MYO3A: variants seen among roughly 807,000 people sequenced by gnomAD.
The protein encoded by MYO3A is myosin IIIA.
MYO3A carries 180 observed loss-of-function variants against 192.7 expected under a neutral mutation model. The observed-to-expected ratio is 0.93, with a 90% CI of 0.83 to 1.06. The LOEUF is 1.06. MYO3A is among the 50% of genes least tolerant of loss of function. The pLI is 0.00. For missense variants in MYO3A, 1,896 were observed against 1,905.0 expected (o/e 1.00, Z 0.09); for synonymous variants, 628 against 645.3 (o/e 0.97, Z 0.41).
chr10:26,163,600 A>G (rs560600631), intron 26 of MYO3A, among the ~76,000 whole-genome samples: 36 of 152,338 alleles, frequency 2.4e-4, no homozygotes, highest in African/African-American at 8.4e-4. Flanking sequence ...ACAGATTTCT[A>G]GCTCACCTTT....
intron 31 of MYO3A, among the ~76,000 whole-genome samples, chr10:26,189,472 T>G (rs940284835): frequency 2.0e-5 from 3 of 152,140 alleles, no homozygotes; most frequent in Non-Finnish European, 2.9e-5. Flanking sequence ...ATGAAAGAGA[T>G]AGGATTGAAG....
chr10:25,995,100 AGTGT>A (rs201866029), intron 4 of MYO3A, among the ~76,000 whole-genome samples: 9,710 of 152,184 alleles, frequency 0.064, 395 homozygotes, highest in Non-Finnish European at 0.094. Flanking sequence ...TATCCTAAAG[AGTGT>A]TTTCCAACTT....
chr10:26,102,744 C>T (rs1837543239), intron 17 of MYO3A, among the ~76,000 whole-genome samples: 1 of 152,218 alleles, frequency 6.6e-6, no homozygotes, highest in African/African-American at 2.4e-5. Context: ...ATATTGCTGC[C>T]TGATCCTTCC....
Position 26,070,093 on chromosome 10 carries a change from A to G in MYO3A, c.1171-18A>G, listed in dbSNP as rs1388127047. ...AAAAACAAAAAGCCCTACAAAATGT[A>G]TTCTTTTTAACCTTTAGCATTCCAA... is the stretch of plus-strand genomic sequence containing the variant. On this transcript the variant is annotated intron_variant, in intron 12 of 34. Coordinates refer to ENST00000642920, the MANE Select transcript of MYO3A (RefSeq NM_017433.5). 1 of 1,553,304 alleles carries G rather than the reference A, an allele frequency of 6.4e-7. No homozygotes were observed. The highest frequency in any genetic ancestry group is 1.4e-5 in the African/African-American group (1 of 73,422).
At chr10:25,948,548 T>C (rs2130509260) in intron 2 of MYO3A, among the ~76,000 whole-genome samples, 1 of 152,256 alleles carries the variant, frequency 6.6e-6, no homozygotes, top group Admixed American at 6.5e-5. Flanking sequence ...TTTTATAGGC[T>C]AGAGAATTAC....
chr10:26,110,183 A>T (rs1379863255), intron 17 of MYO3A, among the ~76,000 whole-genome samples: 1 of 152,152 alleles, frequency 6.6e-6, no homozygotes. Context: ...CTCTCCATTG[A>T]TTCATGGACC....
At chr10:25,967,147 T>C (rs964205223) in intron 4 of MYO3A, among the ~76,000 whole-genome samples, 8 of 151,862 alleles carry the variant, frequency 5.3e-5, no homozygotes, top group African/African-American at 1.9e-4. Flanking sequence ...TACATAAAGA[T>C]TATCTACACA....
chr10:25,968,658 GT>G (rs2130711753), intron 4 of MYO3A, among the ~76,000 whole-genome samples: 1 of 152,294 alleles, frequency 6.6e-6, no homozygotes, highest in South Asian at 2.1e-4. Flanking sequence ...CTTATCCAAG[GT>G]TTTGCTTTTC....
intron 6 of MYO3A, among the ~76,000 whole-genome samples, chr10:26,015,682 A>G (rs139066192): frequency 2.7e-3 from 417 of 152,254 alleles, no homozygotes; most frequent in South Asian, 7.0e-3. Context: ...GCACTCAAAA[A>G]ACATGAAATT....
intron 4 of MYO3A, among the ~76,000 whole-genome samples, chr10:25,958,342 T>C (rs1398259127): frequency 1.3e-5 from 2 of 152,210 alleles, no homozygotes; most frequent in Non-Finnish European, 2.9e-5. Context: ...ATTTATTGAA[T>C]AGGGAATCCT....
At chr10:26,010,460 T>TG (rs758120974) in intron 6 of MYO3A, among the ~76,000 whole-genome samples, 8,350 of 147,428 alleles carry the variant, frequency 0.057, 312 homozygotes, top group African/African-American at 0.087. Flanking sequence ...GTTTTTTTTT[T>TG]TTTTTTTTTT....
chr10:26,062,885 A>C (rs1834598055), intron 10 of MYO3A, among the ~76,000 whole-genome samples: 1 of 113,948 alleles, frequency 8.8e-6, no homozygotes, highest in Non-Finnish European at 2.2e-5. Context: ...GGGTGAGGGA[A>C]TATGAGGAGA....
chr10:25,990,696 G>A (rs558188022), intron 4 of MYO3A, among the ~76,000 whole-genome samples: 3 of 128,470 alleles, frequency 2.3e-5, no homozygotes, highest in South Asian at 2.5e-4. Flanking sequence ...GGTGTGTGAT[G>A]TTCCCCTTCC....
At chr10:26,052,415 G>A (rs191159649) in intron 10 of MYO3A, among the ~76,000 whole-genome samples, 12 of 152,300 alleles carry the variant, frequency 7.9e-5, no homozygotes, top group East Asian at 3.9e-4. Flanking sequence ...GGTATTGAGC[G>A]TTGATCCAGT....
Position 26,068,821 on chromosome 10 carries a change from C to T in MYO3A, c.1107C>T (p.Val369=). The T allele has an allele frequency of 6.2e-7, 1 of 1,600,200 alleles. No individual in the cohort carries two copies. The highest frequency in any genetic ancestry group is 8.6e-7 in the Non-Finnish European group (1 of 1,167,520). The part of the protein sequence containing the change: ...EKCYSRDQIY[V]YVGDILIALN... ...GTTATTCCAGAGATCAGATCTACGTCTATGTGGGAGACATACTCATTGCTC... is the reference window on the plus strand; with the variant it reads ...GTTATTCCAGAGATCAGATCTACGTTTATGTGGGAGACATACTCATTGCTC... The change falls in exon 12 of 35, where the codon GTC becomes GTT. Residue 369 remains valine, a synonymous_variant. Transcript: ENST00000642920.
chr10:25,976,099 A>C (rs920134110), intron 4 of MYO3A, among the ~76,000 whole-genome samples: 2 of 152,186 alleles, frequency 1.3e-5, no homozygotes, highest in African/African-American at 4.8e-5. Context: ...GATAGTACTG[A>C]GTATTGGTGA....
chr10:26,170,340 C>G, intron 28 of MYO3A, 76 bp from the exon 29 acceptor site: 1 of 1,508,286 alleles, frequency 6.6e-7, no homozygotes, highest in Non-Finnish European at 9.1e-7. Context: ...TGGTCAAAGC[C>G]ACCATTTCTA....
chr10:26,096,397 C>T lies in MYO3A; in HGVS notation c.1579C>T (p.His527Tyr). 1 of 1,611,382 alleles carries T rather than the reference C, an allele frequency of 6.2e-7. No homozygotes were observed. The highest frequency in any genetic ancestry group is 8.5e-7 in the Non-Finnish European group (1 of 1,178,866). ...TTTTTCCAGTGGAGAAAAAAATTTT[C>T]ATATTTTTTACTACATTTATGCTGG... ...IHQAIGEKNF[H>Y]IFYYIYAGLA... Residue 527 changes from histidine (H) to tyrosine (Y), a missense_variant, in exon 16 of 35, where the codon CAT (histidine) becomes TAT (tyrosine). His to Tyr is a moderately conservative substitution (Grantham distance 83, BLOSUM62 2). Coordinates refer to ENST00000642920, the MANE Select transcript of MYO3A (RefSeq NM_017433.5).
At chr10:26,136,930 A>AT (rs1839881291) in intron 20 of MYO3A, among the ~76,000 whole-genome samples, 1 of 151,906 alleles carries the variant, frequency 6.6e-6, no homozygotes, top group Admixed American at 6.6e-5. Context: ...AGGCATGAGA[A>AT]TTGCTTGAAC....
Sources: gnomAD v4.1 joint callset for allele counts (sites outside exome capture counted in the v4.1 genomes callset) on GRCh38, gnomAD v4.1.1 for gene constraint, MANE v1.5 for transcripts, NCBI Gene and HGNC (gene_info 2026-07-23, HGNC 2026-07-21) for gene names.